Variants in NRXN3 observed in about 807,000 individuals in gnomAD.
The protein encoded by NRXN3 is neurexin III.
A neutral mutation model predicts 137.6 loss-of-function variants in NRXN3; 32 were observed. The ratio of observed to expected loss-of-function variants is 0.23; its 90% confidence interval spans 0.18 to 0.31. The LOEUF is 0.31. NRXN3 is among the 10% of genes least tolerant of loss of function. The pLI is 1.00. For missense variants in NRXN3, 1,574 were observed against 2,062.5 expected, an observed-to-expected ratio of 0.76 and a Z score of 4.59; for synonymous variants, 798 against 784.5, an observed-to-expected ratio of 1.02 and a Z score of -0.29.
chr14:78,778,678 T>TTTTCTTTCTTTCTTTCTTTC (rs56391630), intron 8 of NRXN3, among the ~76,000 whole-genome samples: 5 of 114,524 alleles, frequency 4.4e-5, no homozygotes, highest in East Asian at 2.7e-4. Flanking sequence ...TTCTCTTTTC[T>TTTTCTTTCTTTCTTTCTTTC]TTTCTTTCTT....
chr14:78,216,180 A>T (rs1316344485), intron 1 of NRXN3, among the ~76,000 whole-genome samples: 1 of 149,760 alleles, frequency 6.7e-6, no homozygotes, highest in African/African-American at 2.4e-5. Context: ...AAGTAATTAT[A>T]TTCAAAGACA....
At chr14:79,764,529 G>A (rs1360319030) in intron 19 of NRXN3, among the ~76,000 whole-genome samples, 2 of 152,148 alleles carry the variant, frequency 1.3e-5, no homozygotes, top group Non-Finnish European at 1.5e-5. Context: ...CTAGCATGGG[G>A]GCCATGTCTA....
chr14:79,826,451 T>G (rs528046012), intron 20 of NRXN3, among the ~76,000 whole-genome samples: 4 of 152,348 alleles, frequency 2.6e-5, no homozygotes, highest in East Asian at 3.9e-4. Flanking sequence ...TGAGTGTACA[T>G]GCACACATGA....
intron 15 of NRXN3, among the ~76,000 whole-genome samples, chr14:79,286,796 T>A (rs2082344886): frequency 6.6e-6 from 1 of 152,074 alleles, no homozygotes; most frequent in Non-Finnish European, 1.5e-5. Context: ...ACTTTGTCTC[T>A]AAGAAACTAA....
chr14:79,580,548 G>A (rs946841972), intron 16 of NRXN3, among the ~76,000 whole-genome samples: 3 of 151,806 alleles, frequency 2.0e-5, no homozygotes, highest in Non-Finnish European at 4.4e-5. Flanking sequence ...GACTGCCCAT[G>A]CATTCCTGCA....
chr14:78,463,909 C>G (rs1362704028), intron 4 of NRXN3, among the ~76,000 whole-genome samples: 1 of 151,730 alleles, frequency 6.6e-6, no homozygotes, highest in Non-Finnish European at 1.5e-5. Context: ...CACAGTTGTT[C>G]AGTATTGCCC....
chr14:79,286,721 A>C (rs1396438505), intron 15 of NRXN3, among the ~76,000 whole-genome samples: 1 of 151,954 alleles, frequency 6.6e-6, no homozygotes, highest in Non-Finnish European at 1.5e-5. Context: ...GTGTGGTGTT[A>C]GGTGAGGTGG....
At chr14:78,762,754 C>A (rs1430932113) in intron 8 of NRXN3, among the ~76,000 whole-genome samples, 1 of 152,168 alleles carries the variant, frequency 6.6e-6, no homozygotes, top group African/African-American at 2.4e-5. Context: ...TCATGCCTGG[C>A]ACATAGTAAG....
chr14:78,499,899 T>A (rs1459128014), intron 4 of NRXN3, among the ~76,000 whole-genome samples: 1 of 152,120 alleles, frequency 6.6e-6, no homozygotes, highest in Non-Finnish European at 1.5e-5. Flanking sequence ...GCCTGCTAAC[T>A]AGATGGAAGT....
chr14:79,374,868 G>C (rs985102444), intron 15 of NRXN3, among the ~76,000 whole-genome samples: 1 of 152,082 alleles, frequency 6.6e-6, no homozygotes, highest in Non-Finnish European at 1.5e-5. Context: ...TCTTGGGTTT[G>C]CGTTTTCTTG....
chr14:78,981,700 G>A (rs978597586), intron 14 of NRXN3, among the ~76,000 whole-genome samples: 2 of 152,034 alleles, frequency 1.3e-5, no homozygotes, highest in Admixed American at 1.3e-4. Flanking sequence ...TAAGCACTAG[G>A]TAAGCTGTGT....
chr14:78,622,783 G>T (rs139257148), intron 4 of NRXN3, among the ~76,000 whole-genome samples: 1 of 152,326 alleles, frequency 6.6e-6, no homozygotes, highest in African/African-American at 2.4e-5. Flanking sequence ...TCTGGATTTT[G>T]TATTTCTTGA....
At chr14:78,484,023 CACACAGAGAGAG>C (rs1473299206) in intron 4 of NRXN3, among the ~76,000 whole-genome samples, 13 of 104,270 alleles carry the variant, frequency 1.2e-4, no homozygotes, top group African/African-American at 3.1e-4. Context: ...CACACACACA[CACACAGAGAGAG>C]AGAGAGAGAG....
chr14:79,375,771 T>C (rs1243769081), intron 15 of NRXN3, among the ~76,000 whole-genome samples: 2 of 152,090 alleles, frequency 1.3e-5, no homozygotes, highest in Non-Finnish European at 2.9e-5. Context: ...AATAAATGGT[T>C]TGTATGCCAT....
intron 15 of NRXN3, among the ~76,000 whole-genome samples, chr14:79,131,031 A>G (rs556713719): frequency 1.3e-5 from 2 of 152,150 alleles, no homozygotes; most frequent in Non-Finnish European, 2.9e-5. Flanking sequence ...CAGCTCCATC[A>G]GCTCCTTTAA....
At chr14:79,105,102 A>G (rs1035559175) in intron 15 of NRXN3, among the ~76,000 whole-genome samples, 1 of 152,110 alleles carries the variant, frequency 6.6e-6, no homozygotes, top group Admixed American at 6.6e-5. Flanking sequence ...ATTTTATTTC[A>G]CCCCAGACAG....
intron 4 of NRXN3, among the ~76,000 whole-genome samples, chr14:78,361,318 G>A (rs1199279836): frequency 6.6e-6 from 1 of 152,194 alleles, no homozygotes; most frequent in Admixed American, 6.5e-5. Context: ...TTGATGTAGA[G>A]TAAGACATAA....
chr14:79,500,236 C>CAAA (rs34976297), intron 16 of NRXN3, among the ~76,000 whole-genome samples: 1,818 of 88,148 alleles, frequency 0.021, 37 homozygotes, highest in Non-Finnish European at 0.023. Context: ...AAAAAGAAGG[C>CAAA]AAAAAAAAAA....
intron 19 of NRXN3, among the ~76,000 whole-genome samples, chr14:79,750,300 C>T (rs2098993240): frequency 6.6e-6 from 1 of 152,074 alleles, no homozygotes; most frequent in Non-Finnish European, 1.5e-5. Flanking sequence ...TTTTATCCTA[C>T]ACCTGAAATG....
Sources: allele counts gnomAD v4.1 joint callset (sites outside exome capture counted in the v4.1 genomes callset), GRCh38; gene constraint gnomAD v4.1.1; transcripts MANE v1.5; gene names NCBI Gene and HGNC (gene_info 2026-07-23, HGNC 2026-07-21).